ZNF335: variants seen among roughly 807,000 people sequenced by gnomAD.
ZNF335 encodes zinc finger protein 335, also known as NRC-interacting factor 1.
ZNF335 carries 84 observed loss-of-function variants against 145.6 expected under a neutral mutation model. The ratio of observed to expected loss-of-function variants is 0.58; its 90% CI spans 0.48 to 0.69. The LOEUF is 0.69. ZNF335 is among the 30% of genes least tolerant of loss of function. The probability of loss-of-function intolerance (pLI) is 0.00; values close to 1 mark genes in which losing one functional copy is unlikely to be tolerated. For missense variants in ZNF335, 1,865 were observed against 1,809.7 expected (o/e 1.03, Z -0.55); for synonymous variants, 761 against 717.0 (o/e 1.06, Z -0.98).
At chr20:45,951,081 G>A (rs1027163608) in intron 20 of ZNF335, among the ~76,000 whole-genome samples, 9 of 152,340 alleles carry the variant, frequency 5.9e-5, no homozygotes, top group Non-Finnish European at 1.0e-4. Context: ...TAGTAGAGAT[G>A]GGTTTTCTCC....
At position 45,965,622 on chromosome 20, in the gene ZNF335, C is replaced by A; in HGVS notation, c.1102+6G>T. The A allele has an allele frequency of 6.3e-7, 1 of 1,592,542 alleles. No individual in the cohort carries two copies. The highest frequency in any genetic ancestry group is 1.1e-5 in the South Asian group (1 of 89,788). On this transcript the variant is annotated splice_donor_region_variant and intron_variant, in intron 7 of 27. Transcript: ENST00000322927. ...CACACGAGCCCCTCCCAAGACCAAG[C>A]CTCACCATCTGGGAGGTCTGAGATC...
chr20:45,969,788 C>A, intron 2 of ZNF335, 97 bp from the exon 3 acceptor site: 1 of 1,517,996 alleles, frequency 6.6e-7, no homozygotes, highest in Non-Finnish European at 8.9e-7. Flanking sequence ...CTCTCAGGCC[C>A]AAGGACATGG....
intron 18 of ZNF335, among the ~76,000 whole-genome samples, chr20:45,953,062 C>G (rs552288244): frequency 6.6e-6 from 1 of 152,230 alleles, no homozygotes; most frequent in Non-Finnish European, 1.5e-5. Context: ...GACCTGCTGC[C>G]TAAGAGCAGA....
chr20:45,949,499 C>T lies in ZNF335; in HGVS notation c.3739G>A (p.Gly1247Ser). The change falls in exon 25 of 28, where the codon GGC (glycine) becomes AGC (serine). Residue 1247 changes from glycine (G) to serine (S), a missense_variant. Physicochemically the swap from Gly to Ser is moderately conservative, Grantham distance 56. Coordinates refer to ENST00000322927, the MANE Select transcript of ZNF335 (RefSeq NM_022095.4). ...GTCTGGCCTACCTGGATGTGATGGC[C>T]TTCAGGGACCACAACATATTCCTGG... ...LPQEYVVVPE[G>S]HHIQVQEGQI... 2 of 1,613,760 alleles carry T rather than the reference C, an allele frequency of 1.2e-6. No homozygotes were observed. Among genetic ancestry groups the T allele is most frequent in the Non-Finnish European group, 1.7e-6 (2 of 1,179,984 alleles).
At position 45,965,742 on chromosome 20, in the gene ZNF335, G is replaced by A; in HGVS notation, c.988C>T (p.Pro330Ser). The A allele has an allele frequency of 6.2e-7, 1 of 1,606,070 alleles. No individual in the cohort carries two copies. Among genetic ancestry groups the A allele is most frequent in the Non-Finnish European group, 8.5e-7 (1 of 1,176,358 alleles). The change falls in exon 7 of 28, where the codon CCC becomes TCC. Residue 330 changes from proline (P) to serine (S), a missense_variant. Transcript: ENST00000322927. ...DSDYNPAEDE[P>S]RGRQLRLQRP... ...TGGAGCCGAAGCTGCCGGCCTCGGGGCTCATCCTCAGCTGGATTATAGTCG... is the reference window on the plus strand; with the variant it reads ...TGGAGCCGAAGCTGCCGGCCTCGGGACTCATCCTCAGCTGGATTATAGTCG...
At chr20:45,952,105 C>A in intron 20 of ZNF335, 42 bp downstream of exon 20, 1 of 1,547,230 alleles carries the variant, frequency 6.5e-7, no homozygotes, top group South Asian at 1.2e-5. Context: ...AACGAGTAGC[C>A]CAATGAATGA....
chr20:45,952,778 C>T (rs2083659506), intron 18 of ZNF335, 69 bp from the exon 19 acceptor site: 23 of 1,440,752 alleles, frequency 1.6e-5, no homozygotes, highest in Non-Finnish European at 2.1e-5. Flanking sequence ...AAGCAACAGG[C>T]ATCAACTGAG....
At chr20:45,959,141 G>A (rs2083779836) in intron 15 of ZNF335, 60 bp downstream of exon 15, 1 of 1,268,784 alleles carries the variant, frequency 7.9e-7, no homozygotes, top group South Asian at 2.6e-5. Flanking sequence ...ATGTGCAAAT[G>A]ATGCTGGGGC....
chr20:45,971,624 T>C, intron 1 of ZNF335, 164 bp from the exon 2 acceptor site: 12 of 985,454 alleles, frequency 1.2e-5, no homozygotes, highest in Non-Finnish European at 1.4e-5. Flanking sequence ...CGGGAAAAAC[T>C]TGACGGAGAA....
In ZNF335 at chr20:45,948,984, T is replaced by C. The variant is rs200635860; in HGVS notation, c.3998A>G (p.Glu1333Gly). ...ATCGGCCAGGGTGATGACGTCGTACTCGATGCCCTGGTGCTGCAGCTGTTG... is the reference window on the plus strand; with the variant it reads ...ATCGGCCAGGGTGATGACGTCGTACCCGATGCCCTGGTGCTGCAGCTGTTG... ...HIQQLQHQGI[E>G]YDVITLADD The change falls in exon 28 of 28, where the codon GAG becomes GGG. Residue 1333 changes from glutamate to glycine, a missense_variant. Glu to Gly is a moderately conservative substitution (Grantham distance 98, BLOSUM62 -2). Transcript: ENST00000322927. 4.3e-4 allele frequency: 693 copies of C among 1,613,808 alleles called. 1 individual carries two copies. Among genetic ancestry groups the C allele is most frequent in the Non-Finnish European group, 5.4e-4 (636 of 1,180,038 alleles).
chr20:45,952,376 T>C lies in ZNF335; in HGVS notation c.2960A>G (p.Gln987Arg). The C allele has an allele frequency of 6.2e-7, 1 of 1,609,358 alleles. No individual in the cohort carries two copies. Among genetic ancestry groups the C allele is most frequent in the African/African-American group, 1.3e-5 (1 of 75,016 alleles). The part of the protein sequence containing the change: ...PAKTHCVGDS[Q>R]SSASSPPATS... ...TGCAGGAGGTGAGGAGGCAGAGCTCTGGGAGTCCCCTACGCAGTGGGTCTT... is the reference window on the plus strand; with the variant it reads ...TGCAGGAGGTGAGGAGGCAGAGCTCCGGGAGTCCCCTACGCAGTGGGTCTT... The change falls in exon 20 of 28, where the codon CAG (glutamine) becomes CGG (arginine). Residue 987 changes from glutamine (Q) to arginine (R), a missense_variant. Gln to Arg is a conservative substitution (Grantham distance 43). Coordinates refer to ENST00000322927, the MANE Select transcript of ZNF335 (RefSeq NM_022095.4).
intron 17 of ZNF335, 63 bp from the exon 18 acceptor site, chr20:45,954,011 G>A (rs1043604507): frequency 2.4e-5 from 36 of 1,504,922 alleles, no homozygotes; most frequent in Non-Finnish European, 2.2e-5. Flanking sequence ...TATGCAAGAC[G>A]CCTCCCCCAT....
chr20:45,967,731 C>T lies in ZNF335; in HGVS notation c.814+3G>A. On this transcript the variant is annotated splice_donor_region_variant and intron_variant, in intron 5 of 27. Transcript: ENST00000322927. The stretch of plus-strand genomic sequence containing the variant: ...CCAAGCAGGTAGGCTGCTACTGACG[C>T]ACCTGGACGGAAGTGGCGTTCCCGC... The T allele has an allele frequency of 6.2e-7, 1 of 1,609,224 alleles. No homozygotes were observed.
chr20:45,971,418 G>C lies in ZNF335; in HGVS notation c.-8C>G, dbSNP rs771468233. 2.5e-6 allele frequency: 4 copies of C among 1,599,340 alleles called. No homozygotes were observed. The South Asian group carries it at 3.3e-5, about 13-fold the overall frequency. ...CACCTCGTTCTCCTCCATCTGATCG[G>C]CGGGCTGCCTGACAGCGGGGCGTAG... On this transcript the variant is annotated 5_prime_UTR_variant, in exon 2 of 28. Coordinates refer to ENST00000322927, the MANE Select transcript of ZNF335 (RefSeq NM_022095.4).
Position 45,971,207 on chromosome 20 carries a change from T to C in ZNF335, c.201+3A>G, listed in dbSNP as rs1271236363. On this transcript the variant is annotated splice_donor_region_variant and intron_variant, in intron 2 of 27. Coordinates refer to ENST00000322927, the MANE Select transcript of ZNF335 (RefSeq NM_022095.4). ...CACCCACGCCGTCCAGCCGGGTCCATACCTGAGAACGGCTGCCGCGGTCCG... is the reference window on the plus strand; with the variant it reads ...CACCCACGCCGTCCAGCCGGGTCCACACCTGAGAACGGCTGCCGCGGTCCG... 2.6e-6 allele frequency: 4 copies of C among 1,536,170 alleles called. No homozygotes were observed. Among genetic ancestry groups the C allele is most frequent in the African/African-American group, 2.7e-5 (2 of 73,056 alleles).
rs140947295 is a variant in ZNF335 at position 45,957,624 on chromosome 20, T to C, written c.2404A>G (p.Met802Val). 70 of 1,614,068 alleles carry C rather than the reference T, an allele frequency of 4.3e-5. 1 individual carries two copies. In the Admixed American group the frequency reaches 6.8e-4, roughly 16 times the overall value. The change falls in exon 17 of 28, where the codon ATG becomes GTG. Residue 802 changes from methionine to valine, a missense_variant. Physicochemically the swap from Met to Val is conservative, Grantham distance 21. Coordinates refer to ENST00000322927, the MANE Select transcript of ZNF335 (RefSeq NM_022095.4). ...TQTALDLLLN[M>V]SAQRELGGTA... ...CCCCCCAGTTCCCGCTGAGCACTCATGTTCAGCAGAAGATCCAAGGCTGTC... is the reference window on the plus strand; with the variant it reads ...CCCCCCAGTTCCCGCTGAGCACTCACGTTCAGCAGAAGATCCAAGGCTGTC...
At chr20:45,964,139 T>C in intron 7 of ZNF335, 149 bp from the exon 8 acceptor site, 2 of 968,262 alleles carry the variant, frequency 2.1e-6, no homozygotes, top group Non-Finnish European at 2.9e-6. Context: ...AGACAGCCTG[T>C]GGTTAGAGGG....
intron 20 of ZNF335, 61 bp downstream of exon 20, chr20:45,952,082 GGTTT>G (rs1323057513): frequency 1.3e-6 from 2 of 1,524,322 alleles, no homozygotes; most frequent in Non-Finnish European, 1.8e-6. Context: ...ACTCATTAAA[GGTTT>G]GTTATACAAA....
intron 10 of ZNF335, among the ~76,000 whole-genome samples, chr20:45,961,169 G>A (rs2083836632): frequency 6.6e-6 from 1 of 152,140 alleles, no homozygotes; most frequent in Non-Finnish European, 1.5e-5. Context: ...GTTAAGGCCC[G>A]GAGTTTGAGA....
Sources: gnomAD v4.1 joint callset for allele counts (sites outside exome capture counted in the v4.1 genomes callset) on GRCh38, gnomAD v4.1.1 for gene constraint, MANE v1.5 for transcripts, NCBI Gene and HGNC (gene_info 2026-07-23, HGNC 2026-07-21) for gene names.